The following TSPAN15 variants were observed in gnomAD, a reference collection of about 807,000 sequenced individuals.
TSPAN15 encodes tetraspanin-15.
Under a neutral mutation model 34.5 loss-of-function variants are expected in TSPAN15, and 20 were observed. The observed-to-expected ratio is 0.58, with a 90% CI of 0.41 to 0.84. The LOEUF is 0.84. TSPAN15 is among the 40% of genes least tolerant of loss of function. The pLI, the probability that TSPAN15 is intolerant of heterozygous loss-of-function variation, is 0.00. For synonymous variants in TSPAN15, 155 were observed against 153.9 expected, an observed-to-expected ratio of 1.01 and a Z score of -0.05; for missense variants, 313 against 386.1, an observed-to-expected ratio of 0.81 and a Z score of 1.59.
At chr10:69,529,078 T>G in the TSPAN15 span, among the ~76,000 whole-genome samples, 6 of 148,260 alleles carry the variant, frequency 4.0e-5, no homozygotes, top group African/African-American at 1.5e-4. Flanking sequence ...CCAGATTTTC[T>G]CCAAGATTGG....
the TSPAN15 span, among the ~76,000 whole-genome samples, chr10:69,544,148 T>C: frequency 6.6e-6 from 1 of 152,264 alleles, no homozygotes; most frequent in East Asian, 1.9e-4. Context: ...GACTACAGTT[T>C]CCCTGACCTG....
At chr10:69,494,570 T>C in intron 3 of TSPAN15, 1 of 925,740 alleles carries the variant, frequency 1.1e-6, no homozygotes, top group Non-Finnish European at 1.3e-6. Flanking sequence ...TGGTTTTTGA[T>C]TCTCAGAGCT....
At chr10:69,495,928 C>G (rs929324674) in intron 4 of TSPAN15, among the ~76,000 whole-genome samples, 1 of 152,184 alleles carries the variant, frequency 6.6e-6, no homozygotes, top group Admixed American at 6.5e-5. Flanking sequence ...TCACACCCTT[C>G]TGTTCCTCTC....
At chr10:69,532,098 A>G in the TSPAN15 span, among the ~76,000 whole-genome samples, 1 of 152,216 alleles carries the variant, frequency 6.6e-6, no homozygotes. Flanking sequence ...TATTGTGAAA[A>G]TGACCATACT....
chr10:69,452,736 G>T (rs1053157678), intron 1 of TSPAN15, among the ~76,000 whole-genome samples: 19 of 152,206 alleles, frequency 1.2e-4, no homozygotes, highest in African/African-American at 4.3e-4. Flanking sequence ...CTATAGGCCA[G>T]CTCCGCCCCT....
chr10:69,530,538 G>C, the TSPAN15 span, among the ~76,000 whole-genome samples: 3 of 146,960 alleles, frequency 2.0e-5, no homozygotes, highest in Admixed American at 2.1e-4. Context: ...GGGTGTGGTG[G>C]CTCACGCCTG....
chr10:69,522,454 T>A, the TSPAN15 span, among the ~76,000 whole-genome samples: 823 of 145,688 alleles, frequency 5.6e-3, 49 homozygotes, highest in African/African-American at 0.019. Flanking sequence ...TTTTTTTTTT[T>A]ATTGTAGGAA....
the TSPAN15 span, among the ~76,000 whole-genome samples, chr10:69,516,042 C>G: frequency 1.3e-5 from 2 of 152,144 alleles, no homozygotes; most frequent in Non-Finnish European, 2.9e-5. Flanking sequence ...TTGTGAAGTT[C>G]GGATAGATGA....
At chr10:69,478,478 C>T (rs948097440) in intron 1 of TSPAN15, among the ~76,000 whole-genome samples, 1 of 152,150 alleles carries the variant, frequency 6.6e-6, no homozygotes, top group Non-Finnish European at 1.5e-5. Context: ...GAAATGCGGG[C>T]TCTGGCAGGG....
chr10:69,496,509 C>T (rs1842089176), intron 4 of TSPAN15, among the ~76,000 whole-genome samples: 1 of 152,132 alleles, frequency 6.6e-6, no homozygotes, highest in South Asian at 2.1e-4. Context: ...ATTACCTTGA[C>T]TTAATTCAGG....
intron 5 of TSPAN15, among the ~76,000 whole-genome samples, chr10:69,502,695 TGGTGAG>T (rs1842235576): frequency 6.6e-6 from 1 of 152,046 alleles, no homozygotes; most frequent in Admixed American, 6.5e-5. Context: ...CCTCACCCCT[TGGTGAG>T]GGGCTCTCCT....
the TSPAN15 span, among the ~76,000 whole-genome samples, chr10:69,530,493 A>G: frequency 2.0e-5 from 3 of 147,794 alleles, no homozygotes; most frequent in Non-Finnish European, 4.5e-5. Flanking sequence ...CTAAAAAATT[A>G]TAGACCAATT....
chr10:69,473,543 A>AGTCT (rs1369964608), intron 1 of TSPAN15, among the ~76,000 whole-genome samples: 1 of 152,178 alleles, frequency 6.6e-6, no homozygotes, highest in East Asian at 1.9e-4. Flanking sequence ...GGCCGCCCAC[A>AGTCT]GTCTGCTGAT....
At chr10:69,465,491 G>C (rs1841364439) in intron 1 of TSPAN15, among the ~76,000 whole-genome samples, 1 of 152,134 alleles carries the variant, frequency 6.6e-6, no homozygotes, top group South Asian at 2.1e-4. Context: ...CATCCTCCTA[G>C]GTTGTCCTAT....
the TSPAN15 span, among the ~76,000 whole-genome samples, chr10:69,513,680 A>G: frequency 6.6e-6 from 1 of 152,258 alleles, no homozygotes; most frequent in Non-Finnish European, 1.5e-5. Context: ...TTTCTTTTAA[A>G]AGTTTTATAG....
downstream of TSPAN15, chr10:69,507,749 G>A (rs1842366943): frequency 2.1e-6 from 2 of 972,650 alleles, no homozygotes; most frequent in Admixed American, 6.8e-5. Context: ...CCTTGTGGAT[G>A]CGAGGATGAA....
At chr10:69,455,628 C>CCG (rs1554830582) in intron 1 of TSPAN15, among the ~76,000 whole-genome samples, 8 of 114,598 alleles carry the variant, frequency 7.0e-5, no homozygotes, top group Non-Finnish European at 1.1e-4. Context: ...CTCTCTCTCC[C>CCG]CCCCCCGTCT....
the TSPAN15 span, among the ~76,000 whole-genome samples, chr10:69,512,714 T>C: frequency 6.6e-6 from 1 of 152,242 alleles, no homozygotes; most frequent in Non-Finnish European, 1.5e-5. Flanking sequence ...TCTGGCTTCT[T>C]TCACTCAGTA....
intron 1 of TSPAN15, among the ~76,000 whole-genome samples, chr10:69,480,844 T>C (rs888694664): frequency 6.6e-5 from 10 of 152,270 alleles, no homozygotes; most frequent in African/African-American, 1.9e-4. Context: ...ATTACAGACA[T>C]GTGCCACCAA....
Sources: allele counts gnomAD v4.1 joint callset (sites outside exome capture counted in the v4.1 genomes callset), GRCh38; gene constraint gnomAD v4.1.1; transcripts MANE v1.5; gene names NCBI Gene and HGNC (gene_info 2026-07-23, HGNC 2026-07-21).